The following AGBL1 variants were observed in gnomAD, a reference collection of about 807,000 sequenced individuals.
The protein encoded by AGBL1 is AGBL carboxypeptidase 1, also known as cytosolic carboxypeptidase 4.
AGBL1 carries 130 observed loss-of-function variants against 118.9 expected under a neutral mutation model. The observed-to-expected ratio is 1.09, with a 90% CI of 0.95 to 1.26. The LOEUF (loss-of-function observed/expected upper bound fraction) is 1.26, where lower values mean the gene tolerates loss of function less well. Ranked by LOEUF, AGBL1 falls within the 50% of genes most tolerant of loss-of-function variation. AGBL1 has a pLI of 0.00. For missense variants in AGBL1, 1,584 were observed against 1,298.1 expected (o/e 1.22, Z -3.38); for synonymous variants, 555 against 478.9 (o/e 1.16, Z -2.08).
intron 22 of AGBL1, among the ~76,000 whole-genome samples, chr15:86,817,563 GAGAA>G (rs1293339884): frequency 7.7e-4 from 74 of 95,522 alleles, no homozygotes; most frequent in African/African-American, 2.7e-3. Flanking sequence ...AGAGGAGAGA[GAGAA>G]AGAGACAGAC....
At chr15:86,473,776 C>T (rs991756193) in intron 18 of AGBL1, among the ~76,000 whole-genome samples, 2 of 152,228 alleles carry the variant, frequency 1.3e-5, no homozygotes, top group Non-Finnish European at 2.9e-5. Context: ...TCTAGTGTTG[C>T]ACTGTTGCCA....
At chr15:86,430,377 A>G (rs12908417) in intron 18 of AGBL1, among the ~76,000 whole-genome samples, 11,249 of 151,764 alleles carry the variant, frequency 0.074, 543 homozygotes, top group African/African-American at 0.13. Context: ...CACCTGTAGT[A>G]CCAGCTACTC....
At chr15:86,419,040 A>G (rs1414527775) in intron 18 of AGBL1, among the ~76,000 whole-genome samples, 1 of 152,126 alleles carries the variant, frequency 6.6e-6, no homozygotes, top group Non-Finnish European at 1.5e-5. Flanking sequence ...GCAAAGACTG[A>G]ACATTTTTTG....
chr15:86,332,491 A>G (rs996365646), intron 17 of AGBL1, among the ~76,000 whole-genome samples: 1 of 151,976 alleles, frequency 6.6e-6, no homozygotes, highest in Admixed American at 6.6e-5. Context: ...CTAAAAATAC[A>G]AAAAATTAGC....
intron 18 of AGBL1, among the ~76,000 whole-genome samples, chr15:86,469,065 A>G (rs527810329): frequency 6.6e-6 from 1 of 151,434 alleles, no homozygotes; most frequent in African/African-American, 2.5e-5. Context: ...CCAACACCTC[A>G]CAAAGTTTGT....
chr15:86,530,637 C>A (rs559345912), intron 19 of AGBL1, among the ~76,000 whole-genome samples: 2 of 151,754 alleles, frequency 1.3e-5, no homozygotes, highest in Admixed American at 6.6e-5. Context: ...ACTCTCCACC[C>A]CAAATCAACA....
At chr15:86,905,666 A>G (rs559835004) in intron 22 of AGBL1, among the ~76,000 whole-genome samples, 6 of 152,296 alleles carry the variant, frequency 3.9e-5, no homozygotes, top group African/African-American at 7.2e-5. Flanking sequence ...TTGACATTCT[A>G]TTAGATTAAG....
chr15:87,025,901 G>C (rs777225107), intron 24 of AGBL1, among the ~76,000 whole-genome samples: 3 of 151,872 alleles, frequency 2.0e-5, no homozygotes, highest in Non-Finnish European at 2.9e-5. Flanking sequence ...AAAACATAGA[G>C]TGGGGAAAGG....
At chr15:86,976,711 A>G (rs1378995604) in intron 23 of AGBL1, among the ~76,000 whole-genome samples, 4 of 151,848 alleles carry the variant, frequency 2.6e-5, no homozygotes, top group Non-Finnish European at 4.4e-5. Context: ...TTCAAAGTTG[A>G]TAGACAAAAT....
intron 23 of AGBL1, among the ~76,000 whole-genome samples, chr15:86,935,728 G>C (rs1023099354): frequency 2.7e-5 from 4 of 149,580 alleles, no homozygotes; most frequent in African/African-American, 7.7e-5. Flanking sequence ...ATGAAATCTT[G>C]TTGTTGTCAT....
In AGBL1 at chr15:86,440,974, G is replaced by C. The variant is rs868071601; in HGVS notation, c.2555+43428G>C. On this transcript the variant is annotated intron_variant, in intron 18 of 22. Transcript: ENST00000614907. ...GTGTCAGGAGTGGACATTGGGGTCA[G>C]AGTCATACATTAGAGCAAGGGTCAG... Among the ~76,000 whole-genome samples, 7 of 152,170 alleles carry C rather than the reference G, an allele frequency of 4.6e-5. No homozygotes were observed. In the South Asian group the frequency reaches 1.4e-3, roughly 31 times the overall value.
At chr15:86,792,493 T>G (rs1032086676) in intron 22 of AGBL1, among the ~76,000 whole-genome samples, 1 of 152,178 alleles carries the variant, frequency 6.6e-6, no homozygotes, top group African/African-American at 2.4e-5. Context: ...AGATTTTTAT[T>G]GGGAGTTTCA....
intron 16 of AGBL1, among the ~76,000 whole-genome samples, chr15:86,294,254 CTG>C (rs955893903): frequency 7.9e-5 from 12 of 151,850 alleles, no homozygotes; most frequent in African/African-American, 2.9e-4. Flanking sequence ...CAAAAATTAA[CTG>C]GGTGTGGTCG....
At chr15:86,691,749 C>G (rs1276116248) in intron 22 of AGBL1, among the ~76,000 whole-genome samples, 2 of 151,962 alleles carry the variant, frequency 1.3e-5, no homozygotes, top group Non-Finnish European at 2.9e-5. Flanking sequence ...CTGCCTGAGG[C>G]TGTTATAAAA....
intron 21 of AGBL1, among the ~76,000 whole-genome samples, chr15:86,601,502 C>A (rs1043418958): frequency 1.3e-5 from 2 of 152,084 alleles, no homozygotes; most frequent in African/African-American, 4.8e-5. Context: ...CTGTTGGGTG[C>A]AAGTGGGTTA....
intron 18 of AGBL1, among the ~76,000 whole-genome samples, chr15:86,470,736 T>G (rs76153101): frequency 0.041 from 6,259 of 152,222 alleles, 184 homozygotes; most frequent in East Asian, 0.093. Flanking sequence ...AGTTTCAGTG[T>G]ACACATCTTT....
intron 17 of AGBL1, among the ~76,000 whole-genome samples, chr15:86,318,295 A>G (rs755980431): frequency 6.6e-6 from 1 of 152,142 alleles, no homozygotes; most frequent in African/African-American, 2.4e-5. Flanking sequence ...AAAGTAGAAC[A>G]TTGCCACTAG....
rs59244971 is a variant in AGBL1, at chr15:86,139,763, ATT to A, written c.52-2228_52-2227del. On this transcript the variant is annotated intron_variant, in intron 1 of 22. Coordinates refer to ENST00000614907, the MANE Select transcript of AGBL1 (RefSeq NM_001386094.1). ...ATTAATTGAAAAAATACATTAATTG[ATT>A]TTTTTTTTTTTTAAAAACCAGGGCA... 379 of 149,726 alleles carry A rather than the reference ATT, an allele frequency of 2.5e-3. 1 individual carries two copies. The highest frequency in any genetic ancestry group is 8.5e-3 in the African/African-American group (347 of 40,646). The allele number at this position is 149,726 out of a possible 1,614,324, so 9.3% of individuals were successfully genotyped here.
intron 12 of AGBL1, 135 bp downstream of exon 12, chr15:86,266,592 T>G: frequency 4.2e-6 from 3 of 710,902 alleles, no homozygotes; most frequent in Admixed American, 3.1e-5. Flanking sequence ...TAAAGATCTA[T>G]AAGAGAAAGC....
Sources: allele counts gnomAD v4.1 joint callset (sites outside exome capture counted in the v4.1 genomes callset), GRCh38; gene constraint gnomAD v4.1.1; transcripts MANE v1.5; gene names NCBI Gene and HGNC (gene_info 2026-07-23, HGNC 2026-07-21).